The following TXNDC9 variants were observed in gnomAD, a reference collection of about 807,000 sequenced individuals.
TXNDC9 encodes thioredoxin domain containing 9.
In TXNDC9, 7 loss-of-function variants were observed where a neutral mutation model predicts 23.0. That is an observed-to-expected ratio of 0.30 (90% CI 0.17 to 0.57). The LOEUF is 0.57. TXNDC9 is among the 20% of genes least tolerant of loss of function. The probability of loss-of-function intolerance (pLI) is 0.90; values close to 1 mark genes in which losing one functional copy is unlikely to be tolerated. For synonymous variants in TXNDC9, 72 were observed against 90.6 expected (o/e 0.79, Z 1.17); for missense variants, 198 against 252.6 (o/e 0.78, Z 1.47).
intron 3 of TXNDC9, among the ~76,000 whole-genome samples, chr2:99,323,147 C>A (rs2094206220): frequency 6.6e-6 from 1 of 151,936 alleles, no homozygotes; most frequent in African/African-American, 2.4e-5. Flanking sequence ...TGGCTCACAT[C>A]TGTAATCTTG....
chr2:99,324,872 C>A (rs917371732), intron 3 of TXNDC9, among the ~76,000 whole-genome samples: 4 of 152,162 alleles, frequency 2.6e-5, no homozygotes, highest in African/African-American at 7.2e-5. Flanking sequence ...CAGCCTCCTG[C>A]ACAACTGGGA....
intron 4 of TXNDC9, among the ~76,000 whole-genome samples, chr2:99,320,561 T>C (rs1256376255): frequency 6.6e-6 from 1 of 152,158 alleles, no homozygotes; most frequent in Non-Finnish European, 1.5e-5. Context: ...ATAACAATGG[T>C]AACTAAAGAC....
At chr2:99,329,793 C>A (rs940886310) in intron 2 of TXNDC9, among the ~76,000 whole-genome samples, 1 of 151,454 alleles carries the variant, frequency 6.6e-6, no homozygotes, top group Non-Finnish European at 1.5e-5. Context: ...CACGGCGAAA[C>A]CCTGTCTCTA....
At chr2:99,313,401 A>G in the TXNDC9 span, among the ~76,000 whole-genome samples, 2 of 152,158 alleles carry the variant, frequency 1.3e-5, no homozygotes, top group Non-Finnish European at 2.9e-5. Context: ...CTAGACATTT[A>G]GAATATGGTG....
downstream of TXNDC9, among the ~76,000 whole-genome samples, chr2:99,315,663 G>C (rs971703657): frequency 6.6e-6 from 1 of 152,096 alleles, no homozygotes; most frequent in Non-Finnish European, 1.5e-5. Flanking sequence ...TTAGGTGTTT[G>C]TTACATTTCG....
chr2:99,333,065 T>C lies in TXNDC9; in HGVS notation c.146A>G (p.Glu49Gly). 6.2e-7 allele frequency: 1 copy of C among 1,614,176 alleles called. No homozygotes were observed. The highest frequency in any genetic ancestry group is 8.5e-7 in the Non-Finnish European group (1 of 1,180,040). Residue 49 changes from glutamate to glycine, a missense_variant, in exon 2 of 5, where the codon GAA becomes GGA. By Grantham distance (98) the Glu-to-Gly change is moderately conservative (BLOSUM62 -2). Transcript: ENST00000264255. ...MDEDELERLK[E>G]KRLQALRKAQ... ...TTTCCTTAGTGCCTGGAGTCTCTTTTCTTTAAGGCGTTCCAATTCATCCTC... is the reference window on the plus strand; with the variant it reads ...TTTCCTTAGTGCCTGGAGTCTCTTTCCTTTAAGGCGTTCCAATTCATCCTC...
rs2094240156 is a variant in TXNDC9, at chr2:99,336,244, C to T, written c.-38G>A. 1.0e-6 allele frequency: 1 copy of T among 985,492 alleles called. No homozygotes were observed. Among genetic ancestry groups the T allele is most frequent in the Non-Finnish European group, 1.2e-6 (1 of 829,962 alleles). 61.0% of individuals were successfully genotyped at this position (985,492 alleles called of 1,614,324 possible). On this transcript the variant is annotated 5_prime_UTR_variant, in exon 1 of 5. Coordinates refer to ENST00000264255, the MANE Select transcript of TXNDC9 (RefSeq NM_005783.4). ...CTCACTACCCTCTGCCTCACCTGAG[C>T]TCTCGGTGACGCCTGAGAAGTGAAA...
chr2:99,333,189 C>G lies in TXNDC9; in HGVS notation c.22G>C (p.Asp8His), dbSNP rs944239035. Residue 8 changes from aspartate (D) to histidine (H), a missense_variant, in exon 2 of 5, where the codon GAC becomes CAC. Coordinates refer to ENST00000264255, the MANE Select transcript of TXNDC9 (RefSeq NM_005783.4). ...TGCTCCAGGACTTTGGAAAACATGT[C>G]AACAGATGCATCAGCTTCCATTCTT... MEADASV[D>H]MFSKVLEHQL... 1.1e-5 allele frequency: 17 copies of G among 1,613,956 alleles called. No homozygotes were observed. The African/African-American group carries it at 1.3e-4, about 13-fold the overall frequency.
At chr2:99,318,019 T>G (rs562250149), downstream of TXNDC9, among the ~76,000 whole-genome samples, 3 of 152,226 alleles carry the variant, frequency 2.0e-5, no homozygotes, top group South Asian at 2.1e-4. Flanking sequence ...GCCTCCTGAA[T>G]AGCTGGAATT....
intron 3 of TXNDC9, among the ~76,000 whole-genome samples, chr2:99,327,005 A>G (rs1406722301): frequency 6.6e-6 from 1 of 152,234 alleles, no homozygotes; most frequent in Non-Finnish European, 1.5e-5. Context: ...ATTGACTTTC[A>G]GTAATATTCA....
At chr2:99,335,401 C>T (rs1314152511) in intron 1 of TXNDC9, among the ~76,000 whole-genome samples, 1 of 152,210 alleles carries the variant, frequency 6.6e-6, no homozygotes, top group East Asian at 1.9e-4. Flanking sequence ...AGCAGGTACT[C>T]AATAAACATG....
chr2:99,320,722 AT>A (rs778650231), intron 4 of TXNDC9, among the ~76,000 whole-genome samples: 3 of 152,216 alleles, frequency 2.0e-5, no homozygotes, highest in Non-Finnish European at 4.4e-5. Flanking sequence ...CTTAGAAAAT[AT>A]ATATGGAAGT....
chr2:99,336,134 C>CGGTGCT, intron 1 of TXNDC9, 105 bp downstream of exon 1: 1 of 939,906 alleles, frequency 1.1e-6, no homozygotes, highest in Non-Finnish European at 1.3e-6. Context: ...ACACCGACAC[C>CGGTGCT]GGTGCTGGGG....
In TXNDC9 at chr2:99,324,317, G is replaced by A. The variant is rs562443655; in HGVS notation, c.309-2108C>T. On this transcript the variant is annotated intron_variant, in intron 3 of 4. Coordinates refer to ENST00000264255, the MANE Select transcript of TXNDC9 (RefSeq NM_005783.4). ...GTAAGCTTTTTGTGCACTTGATGTA[G>A]TTTTTCCTGAACTAAGTTTGGCTCT... Among the ~76,000 whole-genome samples, 5 of 152,284 alleles carry A rather than the reference G, an allele frequency of 3.3e-5. No homozygotes were observed. The South Asian group carries it at 1.0e-3, about 32-fold the overall frequency.
intron 4 of TXNDC9, among the ~76,000 whole-genome samples, chr2:99,320,168 C>T (rs1239207900): frequency 6.6e-6 from 1 of 152,112 alleles, no homozygotes; most frequent in Non-Finnish European, 1.5e-5. Flanking sequence ...CCACCATGCT[C>T]AGTTAATTTT....
chr2:99,316,117 CTTTTTTT>C (rs57142545), downstream of TXNDC9, among the ~76,000 whole-genome samples: 8 of 136,008 alleles, frequency 5.9e-5, no homozygotes, highest in South Asian at 4.7e-4. Flanking sequence ...ATTTCTTTTT[CTTTTTTT>C]TTTTTTTTTG....
the TXNDC9 span, among the ~76,000 whole-genome samples, chr2:99,307,805 C>G: frequency 2.1e-5 from 3 of 142,392 alleles, no homozygotes; most frequent in Non-Finnish European, 4.6e-5. Context: ...GTAATAGGGC[C>G]AAATGCGACG....
At chr2:99,328,985 A>G (rs1468218939) in intron 2 of TXNDC9, among the ~76,000 whole-genome samples, 2 of 152,332 alleles carry the variant, frequency 1.3e-5, no homozygotes, top group African/African-American at 4.8e-5. Context: ...TGTCTCAAAA[A>G]TAAATAAAAA....
At chr2:99,306,304 G>A in the TXNDC9 span, among the ~76,000 whole-genome samples, 2 of 152,196 alleles carry the variant, frequency 1.3e-5, no homozygotes, top group Non-Finnish European at 2.9e-5. Context: ...AAGACTTTGA[G>A]ACAAGTGTGA....
Sources: allele counts gnomAD v4.1 joint callset (sites outside exome capture counted in the v4.1 genomes callset), GRCh38; gene constraint gnomAD v4.1.1; transcripts MANE v1.5; gene names NCBI Gene and HGNC (gene_info 2026-07-23, HGNC 2026-07-21).